The following MAP3K13 variants were observed in gnomAD, a reference collection of about 807,000 sequenced individuals.
MAP3K13 encodes the protein leucine zipper-bearing kinase.
A neutral mutation model predicts 104.0 loss-of-function variants in MAP3K13; 52 were observed. The ratio of observed to expected loss-of-function variants is 0.50; its 90% CI spans 0.40 to 0.63. MAP3K13 has a LOEUF of 0.63. Among genes scored for constraint, MAP3K13 ranks in the 20% least tolerant of loss-of-function variants. The pLI, the probability that MAP3K13 is intolerant of heterozygous loss-of-function variation, is 0.00. For synonymous variants in MAP3K13, 394 were observed against 442.2 expected, an observed-to-expected ratio of 0.89 and a Z score of 1.37; for missense variants, 914 against 1,218.5, an observed-to-expected ratio of 0.75 and a Z score of 3.72.
At chr3:185,345,142 A>G (rs1477595936) in intron 2 of MAP3K13, among the ~76,000 whole-genome samples, 1 of 152,200 alleles carries the variant, frequency 6.6e-6, no homozygotes, top group Non-Finnish European at 1.5e-5. Flanking sequence ...GATTATAGGC[A>G]TGAGCCACTG....
rs71164510 is a variant in MAP3K13 at position 185,471,451 on chromosome 3, C to CTTTTTTT, written c.1644-1505_1644-1499dup. 1.7e-3 allele frequency among the ~76,000 whole-genome samples: 131 copies of CTTTTTTT among 75,422 alleles called. 1 individual carries two copies. The highest frequency in any genetic ancestry group is 3.3e-3 in the East Asian group (6 of 1,808). The allele number at this position is 75,422 out of a possible 152,430, so 49.5% of individuals were successfully genotyped here. A position where few individuals can be genotyped will look rare whatever the true frequency, so the allele number is the denominator to read the frequency against. On this transcript the variant is annotated intron_variant, in intron 10 of 13. Coordinates refer to ENST00000265026, the MANE Select transcript of MAP3K13 (RefSeq NM_004721.5). ...TGAGCCTGTACCTGGACGACCTTTACTTTTTTTTTTTTTTTTTTTTTTTTT... is the reference window on the plus strand; with the variant it reads ...TGAGCCTGTACCTGGACGACCTTTACTTTTTTTTTTTTTTTTTTTTTTTTTTTTTTTT...
chr3:185,316,348 AG>A (rs1224880774), intron 2 of MAP3K13, among the ~76,000 whole-genome samples: 1 of 152,206 alleles, frequency 6.6e-6, no homozygotes, highest in African/African-American at 2.4e-5. Flanking sequence ...CATCATCAAA[AG>A]TTCTTTTTTG....
intron 1 of MAP3K13, among the ~76,000 whole-genome samples, chr3:185,426,174 G>A (rs1233322199): frequency 6.6e-6 from 1 of 152,126 alleles, no homozygotes; most frequent in East Asian, 1.9e-4. Flanking sequence ...TCCGCTTGCT[G>A]GGTTCGAGCA....
Position 185,418,751 on chromosome 3 carries a change from C to G in MAP3K13, c.-85-9746C>G. The stretch of plus-strand genomic sequence containing the variant: ...GATGACTCCCCCTTTTCGGAGTACA[C>G]CGATATCATTGGGCGAGCACACGCC... On this transcript the variant is annotated intron_variant, in intron 1 of 13. Coordinates refer to ENST00000265026, the MANE Select transcript of MAP3K13 (RefSeq NM_004721.5). The surrounding 1 kb of genome is among the most constrained non-coding windows in gnomAD (Gnocchi z 4.5). 1 of 1,608,806 alleles carries G rather than the reference C, an allele frequency of 6.2e-7. No individual in the cohort carries two copies. Among genetic ancestry groups the G allele is most frequent in the Non-Finnish European group, 8.5e-7 (1 of 1,175,992 alleles).
In MAP3K13 at chr3:185,417,862, C is replaced by T. The variant is rs73885705; in HGVS notation, c.-85-10635C>T. The T allele has an allele frequency of 6.2e-6, 10 of 1,606,726 alleles. No individual in the cohort carries two copies. The Admixed American group carries it at 8.3e-5, about 13-fold the overall frequency. On this transcript the variant is annotated intron_variant, in intron 1 of 13. Transcript: ENST00000265026. ...TAGGACTCTGCGATGAATCTTCTTG[C>T]GTGGTGCTCAAAGGGCTCTTTGGAT... is the stretch of plus-strand genomic sequence containing the variant.
chr3:185,322,019 T>C (rs1420103766), intron 2 of MAP3K13, among the ~76,000 whole-genome samples: 1 of 152,232 alleles, frequency 6.6e-6, no homozygotes, highest in East Asian at 1.9e-4. Flanking sequence ...TTTATAGCCC[T>C]AGAAATAGGA....
At chr3:185,471,210 C>G (rs1717755959) in intron 10 of MAP3K13, among the ~76,000 whole-genome samples, 1 of 151,906 alleles carries the variant, frequency 6.6e-6, no homozygotes, top group Non-Finnish European at 1.5e-5. Context: ...CTAAAACACT[C>G]CTATAATAAG....
chr3:185,332,449 C>T (rs1461410197), intron 2 of MAP3K13, among the ~76,000 whole-genome samples: 4 of 152,132 alleles, frequency 2.6e-5, no homozygotes, highest in Admixed American at 6.5e-5. Flanking sequence ...GTGTACAGTT[C>T]GGTAGTGTTA....
At chr3:185,366,870 T>A (rs571293339) in intron 1 of MAP3K13, among the ~76,000 whole-genome samples, 18 of 152,350 alleles carry the variant, frequency 1.2e-4, no homozygotes, top group African/African-American at 4.3e-4. Context: ...ATATTTTCTC[T>A]CATTCCATAG....
chr3:185,392,022 C>T (rs192441844), intron 1 of MAP3K13, among the ~76,000 whole-genome samples: 9 of 152,188 alleles, frequency 5.9e-5, no homozygotes, highest in South Asian at 2.1e-4. Context: ...ATAGAGAATT[C>T]GACTTTCAGA....
In MAP3K13 at chr3:185,485,929, G is replaced by A. The variant is rs1373621318; in HGVS notation, c.*3473G>A. On this transcript the variant is annotated 3_prime_UTR_variant, in exon 14 of 14. Transcript: ENST00000265026. ...AGGCCTGGTCACTTAGAGGACCAAC[G>A]ACTGGAAAAAAATTCTTGAAAGGCT... is the stretch of plus-strand genomic sequence containing the variant. 1.3e-5 allele frequency: 2 copies of A among 152,064 alleles called. No homozygotes were observed. The highest frequency in any genetic ancestry group is 1.5e-5 in the Non-Finnish European group (1 of 68,018). The allele number at this position is 152,064 out of a possible 1,614,324, so 9.4% of individuals were successfully genotyped here.
At chr3:185,333,065 C>T (rs1317994562) in intron 2 of MAP3K13, among the ~76,000 whole-genome samples, 2 of 152,084 alleles carry the variant, frequency 1.3e-5, no homozygotes, top group African/African-American at 4.8e-5. Context: ...AAAATAAATG[C>T]CTTTTTCTTC....
At chr3:185,403,399 A>G (rs1281172353) in intron 1 of MAP3K13, among the ~76,000 whole-genome samples, 3 of 152,230 alleles carry the variant, frequency 2.0e-5, no homozygotes, top group Admixed American at 6.5e-5. Context: ...ATAAGGCACA[A>G]CATAATGTAC....
chr3:185,310,183 A>G (rs915802914), intron 2 of MAP3K13, among the ~76,000 whole-genome samples: 1 of 152,198 alleles, frequency 6.6e-6, no homozygotes, highest in Non-Finnish European at 1.5e-5. Context: ...GGTGCACAGA[A>G]GGTAACTACA....
At chr3:185,463,740 T>G (rs1717250863) in intron 8 of MAP3K13, 81 bp downstream of exon 8, 1 of 790,746 alleles carries the variant, frequency 1.3e-6, no homozygotes, top group Non-Finnish European at 2.2e-6. Context: ...TAACCACCAT[T>G]TCACTTTCCA....
intron 1 of MAP3K13, among the ~76,000 whole-genome samples, chr3:185,398,777 T>G (rs1712581492): frequency 6.6e-6 from 1 of 152,234 alleles, no homozygotes; most frequent in Non-Finnish European, 1.5e-5. Flanking sequence ...TTGCAGATTA[T>G]GTTGAATCAG....
intron 2 of MAP3K13, among the ~76,000 whole-genome samples, chr3:185,342,691 G>T (rs555889151): frequency 2.0e-5 from 3 of 152,162 alleles, no homozygotes; most frequent in Non-Finnish European, 4.4e-5. Flanking sequence ...TCCTGTAAAT[G>T]TAAAGCAAGT....
intron 2 of MAP3K13, among the ~76,000 whole-genome samples, chr3:185,432,335 C>T (rs552997799): frequency 2.0e-5 from 3 of 151,668 alleles, no homozygotes; most frequent in Non-Finnish European, 4.4e-5. Flanking sequence ...GGATTACAGG[C>T]GTGTGCCACC....
At chr3:185,296,297 C>G (rs1720918605) in intron 2 of MAP3K13, among the ~76,000 whole-genome samples, 1 of 152,104 alleles carries the variant, frequency 6.6e-6, no homozygotes, top group East Asian at 1.9e-4. Flanking sequence ...CAAGTATGAG[C>G]CCAAGTCCTT....
Sources: gnomAD v4.1 joint callset for allele counts (sites outside exome capture counted in the v4.1 genomes callset) on GRCh38, gnomAD v4.1.1 for gene constraint, Gnocchi (gnomAD v3.1) non-coding constraint, MANE v1.5 for transcripts, NCBI Gene and HGNC (gene_info 2026-07-23, HGNC 2026-07-21) for gene names.